PIEZO2: variants seen among roughly 807,000 people sequenced by gnomAD.
The protein encoded by PIEZO2 is piezo type mechanosensitive ion channel component 2, also known as piezo-type mechanosensitive ion channel component 2.
In PIEZO2, 172 loss-of-function variants were observed where a neutral mutation model predicts 337.3. That is an observed-to-expected ratio of 0.51 (90% confidence interval 0.45 to 0.58). The LOEUF (loss-of-function observed/expected upper bound fraction) is 0.58. Ranked by LOEUF, PIEZO2 falls within the 20% of genes least tolerant of loss-of-function variation. PIEZO2 has a pLI of 0.00. For missense variants in PIEZO2, 3,028 were observed against 3,391.3 expected (o/e 0.89, Z 2.66); for synonymous variants, 1,251 against 1,228.5 (o/e 1.02, Z -0.38).
Position 10,856,577 on chromosome 18 carries a change from C to T in PIEZO2, c.703+424G>A, listed in dbSNP as rs866923035. On this transcript the variant is annotated intron_variant, in intron 6 of 55. Transcript: ENST00000674853. The surrounding 1 kb of genome is among the most constrained non-coding windows in gnomAD (Gnocchi z 4.7). ...AACTTAGGAAGAAAAATAGTCTATCCTGGAGAGTTATATTAAGGTGACTAT... is the reference window on the plus strand; with the variant it reads ...AACTTAGGAAGAAAAATAGTCTATCTTGGAGAGTTATATTAAGGTGACTAT... Among the ~76,000 whole-genome samples the T allele has an allele frequency of 2.6e-4, 39 of 152,240 alleles. No homozygotes were observed. Among genetic ancestry groups the T allele is most frequent in the African/African-American group, 9.1e-4 (38 of 41,544 alleles).
At chr18:10,706,862 A>G (rs1344369629) in intron 40 of PIEZO2, among the ~76,000 whole-genome samples, 2 of 152,270 alleles carry the variant, frequency 1.3e-5, no homozygotes, top group East Asian at 1.9e-4. Flanking sequence ...TCTTATCTGA[A>G]TGGCACGTGT....
chr18:11,014,650 T>TGGG (rs2036033704), intron 2 of PIEZO2, among the ~76,000 whole-genome samples: 6 of 111,878 alleles, frequency 5.4e-5, no homozygotes, highest in South Asian at 3.2e-4. Context: ...CAGCGATCCA[T>TGGG]GACCCCCTCA....
chr18:11,061,494 T>C lies in PIEZO2; in HGVS notation c.160+4633A>G, dbSNP rs577558944. ...CCTGTTTGCAGATGACATGATTGTATATCTAGAAAACCGAATCGTCTCAGC... is the reference window on the plus strand; with the variant it reads ...CCTGTTTGCAGATGACATGATTGTACATCTAGAAAACCGAATCGTCTCAGC... On this transcript the variant is annotated intron_variant, in intron 2 of 55. Coordinates refer to ENST00000674853, the MANE Select transcript of PIEZO2 (RefSeq NM_001378183.1). Among the ~76,000 whole-genome samples the C allele has an allele frequency of 1.5e-3, 225 of 152,136 alleles. 4 individuals are homozygous for C. The highest frequency in any genetic ancestry group is 6.8e-3 in the Middle Eastern group (2 of 294).
At chr18:10,910,279 T>G (rs2030350896) in intron 4 of PIEZO2, among the ~76,000 whole-genome samples, 1 of 152,160 alleles carries the variant, frequency 6.6e-6, no homozygotes, top group African/African-American at 2.4e-5. Context: ...CCAAGGTAGG[T>G]GGTTTAGAAA....
At chr18:11,067,730 A>T (rs2038198314) in intron 1 of PIEZO2, among the ~76,000 whole-genome samples, 1 of 152,218 alleles carries the variant, frequency 6.6e-6, no homozygotes. Flanking sequence ...ATATCAACGG[A>T]TATAAATGAA....
At chr18:11,106,106 G>A (rs1037277397) in intron 1 of PIEZO2, among the ~76,000 whole-genome samples, 1 of 151,568 alleles carries the variant, frequency 6.6e-6, no homozygotes, top group Non-Finnish European at 1.5e-5. Context: ...TTATTTTTTT[G>A]AGACGGCATC....
intron 10 of PIEZO2, among the ~76,000 whole-genome samples, 176 bp from the exon 11 acceptor site, chr18:10,800,651 C>T (rs2039779700): frequency 1.3e-5 from 2 of 152,246 alleles, no homozygotes; most frequent in African/African-American, 4.8e-5. Context: ...CATTCCCTCT[C>T]CAACTCTAGT....
chr18:10,895,557 C>T lies in PIEZO2; in HGVS notation c.329+15629G>A, dbSNP rs1318650921. On this transcript the variant is annotated intron_variant, in intron 4 of 55. Coordinates refer to ENST00000674853, the MANE Select transcript of PIEZO2 (RefSeq NM_001378183.1). The surrounding 1 kb of genome is among the most constrained non-coding windows in gnomAD (Gnocchi z 4.8). Reference sequence around the variant, plus strand: ...GGAACAGAGTGCCGGGGAATGGTGCCGTTTGTTGGGGTACCTGTGCAGCAG... The same window carrying T: ...GGAACAGAGTGCCGGGGAATGGTGCTGTTTGTTGGGGTACCTGTGCAGCAG... 2.6e-5 allele frequency among the ~76,000 whole-genome samples: 4 copies of T among 152,156 alleles called. No homozygotes were observed. Among genetic ancestry groups the T allele is most frequent in the East Asian group, 1.9e-4 (1 of 5,164 alleles).
At chr18:10,990,416 A>G (rs185102900) in intron 2 of PIEZO2, among the ~76,000 whole-genome samples, 105 of 152,248 alleles carry the variant, frequency 6.9e-4, no homozygotes, top group African/African-American at 2.5e-3. Context: ...TGAATAGAAC[A>G]GTAAATTGCT....
intron 1 of PIEZO2, among the ~76,000 whole-genome samples, chr18:11,145,975 G>T (rs1463123402): frequency 2.0e-5 from 3 of 152,054 alleles, no homozygotes; most frequent in African/African-American, 7.2e-5. Context: ...GAGCAAGGGG[G>T]ACCACTACCT....
At position 10,855,644 on chromosome 18, in the gene PIEZO2, A is replaced by T; in HGVS notation, c.704-78T>A. The stretch of plus-strand genomic sequence containing the variant: ...TCATTCAGTGAATGTGACTATTTGA[A>T]ATTATGTGAATTTCCTTCAAGTGTT... On this transcript the variant is annotated intron_variant, in intron 6 of 55. Coordinates refer to ENST00000674853, the MANE Select transcript of PIEZO2 (RefSeq NM_001378183.1). The surrounding 1 kb of genome is among the most constrained non-coding windows in gnomAD (Gnocchi z 4.9). The T allele has an allele frequency of 2.6e-6, 3 of 1,133,360 alleles. No individual in the cohort carries two copies. The highest frequency in any genetic ancestry group is 3.7e-6 in the Non-Finnish European group (3 of 812,832). 70.2% of individuals were successfully genotyped at this position (1,133,360 alleles called of 1,614,324 possible). A position where few individuals can be genotyped will look rare whatever the true frequency, so the allele number is the denominator to read the frequency against.
rs1316934157 is a variant in PIEZO2, at chr18:11,004,147, A to G, written c.161-24487T>C. ...CTGTTCGTTCCCAGGGATCTATGAG[A>G]AGCACATGGGTTAGAGGTGTGAGTA... On this transcript the variant is annotated intron_variant, in intron 2 of 55. Transcript: ENST00000674853. 3.9e-5 allele frequency among the ~76,000 whole-genome samples: 6 copies of G among 152,146 alleles called. No individual in the cohort carries two copies. In the East Asian group the frequency reaches 1.2e-3, roughly 29 times the overall value.
chr18:10,719,471 C>T (rs1400255278), intron 36 of PIEZO2, among the ~76,000 whole-genome samples: 1 of 152,154 alleles, frequency 6.6e-6, no homozygotes, highest in African/African-American at 2.4e-5. Context: ...TTTCTGCATT[C>T]AGTTAGGATA....
chr18:10,686,013 T>C (rs1275510113), intron 49 of PIEZO2, among the ~76,000 whole-genome samples: 3 of 152,204 alleles, frequency 2.0e-5, no homozygotes, highest in Non-Finnish European at 2.9e-5. Flanking sequence ...GATATTAGAA[T>C]TTTTACTATT....
In PIEZO2 at chr18:11,092,115, G is replaced by A. The variant is rs952658744; in HGVS notation, c.65-25893C>T. Among the ~76,000 whole-genome samples the A allele has an allele frequency of 6.6e-6, 1 of 152,210 alleles. No individual in the cohort carries two copies. Among genetic ancestry groups the A allele is most frequent in the Non-Finnish European group, 1.5e-5 (1 of 68,034 alleles). ...CTAAAAGGGTATTTTTTGAAAGGTTGTCTGCTACCTGACTATAGAAAGAGA... is the reference window on the plus strand; with the variant it reads ...CTAAAAGGGTATTTTTTGAAAGGTTATCTGCTACCTGACTATAGAAAGAGA... On this transcript the variant is annotated intron_variant, in intron 1 of 55. Transcript: ENST00000674853. The surrounding 1 kb of genome is among the most constrained non-coding windows in gnomAD (Gnocchi z 4.5).
intron 33 of PIEZO2, chr18:10,739,719 G>C (rs369574439): frequency 4.6e-5 from 7 of 152,274 alleles, no homozygotes; most frequent in Non-Finnish European, 1.0e-4. Context: ...GGAATCTTTT[G>C]TCTTTGGACT....
chr18:10,703,871 T>C (rs1437080479), intron 42 of PIEZO2, among the ~76,000 whole-genome samples: 3 of 152,074 alleles, frequency 2.0e-5, no homozygotes, highest in Non-Finnish European at 2.9e-5. Flanking sequence ...TTGCGACGTA[T>C]GGAACTTTAC....
intron 18 of PIEZO2, among the ~76,000 whole-genome samples, chr18:10,777,587 T>C (rs893749881): frequency 6.6e-6 from 1 of 152,218 alleles, no homozygotes; most frequent in African/African-American, 2.4e-5. Flanking sequence ...GTTAATTCTG[T>C]ACAAGAACCT....
chr18:10,783,068 C>T lies in PIEZO2; in HGVS notation c.2492+1716G>A, dbSNP rs2039088993. On this transcript the variant is annotated intron_variant, in intron 17 of 55. Coordinates refer to ENST00000674853, the MANE Select transcript of PIEZO2 (RefSeq NM_001378183.1). The surrounding 1 kb of genome is among the most constrained non-coding windows in gnomAD (Gnocchi z 4.3). ...TAAGAAAAATGGCAAGAAAAAGGTT[C>T]CTGCATGCTGGAGGCACTTTTAGTG... 6.6e-6 allele frequency among the ~76,000 whole-genome samples: 1 copy of T among 151,840 alleles called. No individual in the cohort carries two copies. The highest frequency in any genetic ancestry group is 2.4e-5 in the African/African-American group (1 of 41,290).
Sources: gnomAD v4.1 joint callset for allele counts (sites outside exome capture counted in the v4.1 genomes callset) on GRCh38, gnomAD v4.1.1 for gene constraint, Gnocchi (gnomAD v3.1) non-coding constraint, MANE v1.5 for transcripts, NCBI Gene and HGNC (gene_info 2026-07-23, HGNC 2026-07-21) for gene names.